The following TNPO3 variants were observed in gnomAD, a reference collection of about 807,000 sequenced individuals.
The protein encoded by TNPO3 is transportin-3.
TNPO3 carries 65 observed loss-of-function variants against 122.8 expected under a neutral mutation model. The observed-to-expected ratio is 0.53, with a 90% CI of 0.43 to 0.65. The LOEUF is 0.65. Among genes scored for constraint, TNPO3 ranks in the 30% least tolerant of loss-of-function variants. The pLI is 0.00. For synonymous variants in TNPO3, 372 were observed against 411.2 expected, an observed-to-expected ratio of 0.90 and a Z score of 1.15; for missense variants, 850 against 1,136.7, an observed-to-expected ratio of 0.75 and a Z score of 3.63.
chr7:129,001,430 A>G (rs1801938793), intron 5 of TNPO3, among the ~76,000 whole-genome samples, 196 bp from the exon 6 acceptor site: 2 of 152,230 alleles, frequency 1.3e-5, no homozygotes, highest in South Asian at 4.1e-4. Flanking sequence ...ACATTGTATT[A>G]GGTATTATAA....
At chr7:128,992,188 G>T in intron 9 of TNPO3, 98 bp from the exon 10 acceptor site, 1 of 625,684 alleles carries the variant, frequency 1.6e-6, no homozygotes, top group South Asian at 2.3e-5. Flanking sequence ...CCTGCTTCTT[G>T]TTTCTAAATC....
chr7:129,009,306 A>G (rs543519091), intron 4 of TNPO3, among the ~76,000 whole-genome samples: 1 of 152,380 alleles, frequency 6.6e-6, no homozygotes, highest in East Asian at 1.9e-4. Context: ...CCACAAAAGT[A>G]TAATACTAAC....
intron 4 of TNPO3, among the ~76,000 whole-genome samples, chr7:129,005,482 G>A (rs1317551772): frequency 2.0e-5 from 3 of 152,108 alleles, no homozygotes; most frequent in Non-Finnish European, 4.4e-5. Context: ...GTAATCCCCA[G>A]TGTTAGAGGA....
chr7:129,012,130 C>A (rs564352267), intron 4 of TNPO3, among the ~76,000 whole-genome samples: 1 of 151,386 alleles, frequency 6.6e-6, no homozygotes, highest in Non-Finnish European at 1.5e-5. Flanking sequence ...CTCAGCCTCC[C>A]GACTAGCTGG....
At chr7:129,012,316 T>C (rs535929156) in intron 4 of TNPO3, among the ~76,000 whole-genome samples, 2 of 152,316 alleles carry the variant, frequency 1.3e-5, no homozygotes, top group African/African-American at 4.8e-5. Context: ...CTCCAATGAA[T>C]TTCTAATACA....
At chr7:129,006,484 T>C (rs1343212453) in intron 4 of TNPO3, among the ~76,000 whole-genome samples, 1 of 152,164 alleles carries the variant, frequency 6.6e-6, no homozygotes, top group Non-Finnish European at 1.5e-5. Context: ...TAAAACTCAA[T>C]GTTTCTCCTT....
At chr7:128,969,739 T>C (rs1259512866) in intron 20 of TNPO3, among the ~76,000 whole-genome samples, 1 of 152,238 alleles carries the variant, frequency 6.6e-6, no homozygotes, top group African/African-American at 2.4e-5. Context: ...TGCTTCCAAA[T>C]GTTCTGGCTA....
intron 1 of TNPO3, among the ~76,000 whole-genome samples, chr7:129,026,355 CAGG>C (rs1805166308): frequency 1.3e-5 from 2 of 149,528 alleles, no homozygotes; most frequent in South Asian, 4.2e-4. Flanking sequence ...TAGGGATGCA[CAGG>C]AGATTTATTT....
At chr7:129,000,405 G>A in intron 7 of TNPO3, 24 bp downstream of exon 7, 1 of 1,567,574 alleles carries the variant, frequency 6.4e-7, no homozygotes, top group Non-Finnish European at 8.7e-7. Flanking sequence ...GAGAATAATG[G>A]CCTTTGAATA....
At chr7:128,997,021 C>CTT (rs549468017) in intron 8 of TNPO3, among the ~76,000 whole-genome samples, 1 of 148,270 alleles carries the variant, frequency 6.7e-6, no homozygotes, top group South Asian at 2.1e-4. Flanking sequence ...GAGTGTTTTG[C>CTT]TTTTTTTTTT....
At chr7:129,054,615 C>T (rs373075111) in intron 1 of TNPO3, 36 bp downstream of exon 1, 30 of 1,610,616 alleles carry the variant, frequency 1.9e-5, no homozygotes, top group Middle Eastern at 1.8e-4. Flanking sequence ...CCCGCCCCGG[C>T]CGTGCGGCAC....
intron 4 of TNPO3, among the ~76,000 whole-genome samples, chr7:129,007,672 T>C (rs554723035): frequency 6.6e-6 from 1 of 152,378 alleles, no homozygotes; most frequent in Non-Finnish European, 1.5e-5. Flanking sequence ...TTTTCATTTA[T>C]TGTGCATATT....
chr7:128,995,913 G>A (rs927207356), intron 8 of TNPO3, among the ~76,000 whole-genome samples: 17 of 152,104 alleles, frequency 1.1e-4, no homozygotes, highest in African/African-American at 3.1e-4. Context: ...TGGCCAGGCC[G>A]GTCTCAAATT....
chr7:129,000,467 C>G lies in TNPO3; in HGVS notation c.973G>C (p.Glu325Gln). The G allele has an allele frequency of 6.2e-7, 1 of 1,614,074 alleles. No homozygotes were observed. Among genetic ancestry groups the G allele is most frequent in the Non-Finnish European group, 8.5e-7 (1 of 1,179,990 alleles). Residue 325 changes from glutamate to glutamine, a missense_variant, in exon 7 of 23, where the codon GAG (glutamate) becomes CAG (glutamine). Glu to Gln is a conservative substitution (Grantham distance 29, BLOSUM62 2). Transcript: ENST00000265388. Reference protein sequence around the residue: ...GQGLGDLRTLELLLICAGHPQ... With the variant: ...GQGLGDLRTLQLLLICAGHPQ... Reference sequence around the variant, plus strand: ...TGGCCTGCACAGATAAGCAGCAGCTCCAGAGTTCGAAGGTCCCCAAGACCT... The same window carrying G: ...TGGCCTGCACAGATAAGCAGCAGCTGCAGAGTTCGAAGGTCCCCAAGACCT...
intron 15 of TNPO3, among the ~76,000 whole-genome samples, chr7:128,979,740 C>T (rs987592130): frequency 6.6e-6 from 1 of 152,212 alleles, no homozygotes; most frequent in African/African-American, 2.4e-5. Flanking sequence ...CAGTGAATCT[C>T]TTTCTACCAC....
In TNPO3 at chr7:128,967,130, G is replaced by A. The variant is rs184904691; in HGVS notation, c.2711+150C>T. On this transcript the variant is annotated intron_variant, in intron 21 of 22. Coordinates refer to ENST00000265388, the MANE Select transcript of TNPO3 (RefSeq NM_012470.4). ...TACATACATACACAGCATGGTGAAT[G>A]TTTTCCCACCAGATTGGCTTCCAAT... The A allele has an allele frequency of 1.4e-4, 83 of 602,860 alleles. No individual in the cohort carries two copies. In the Admixed American group the frequency reaches 1.6e-3, roughly 12 times the overall value. 37.3% of individuals were successfully genotyped at this position (602,860 alleles called of 1,614,324 possible). A position where few individuals can be genotyped will look rare whatever the true frequency, so the allele number is the denominator to read the frequency against.
At chr7:128,959,749 C>T (rs899913546) in intron 21 of TNPO3, among the ~76,000 whole-genome samples, 2 of 152,096 alleles carry the variant, frequency 1.3e-5, no homozygotes, top group Non-Finnish European at 2.9e-5. Context: ...AGGCCGGGCG[C>T]GGTGGCTCAC....
At chr7:128,988,477 T>C (rs1800405373) in intron 11 of TNPO3, among the ~76,000 whole-genome samples, 1 of 152,180 alleles carries the variant, frequency 6.6e-6, no homozygotes, top group Admixed American at 6.6e-5. Context: ...TGTAGACTTC[T>C]GTGATTCCCA....
At chr7:129,012,252 C>T (rs113045281) in intron 4 of TNPO3, among the ~76,000 whole-genome samples, 8,847 of 151,760 alleles carry the variant, frequency 0.058, 361 homozygotes, top group South Asian at 0.098. Context: ...GTAATCCACC[C>T]GCCTCAGCCT....
Sources: gnomAD v4.1 joint callset for allele counts (sites outside exome capture counted in the v4.1 genomes callset) on GRCh38, gnomAD v4.1.1 for gene constraint, MANE v1.5 for transcripts, NCBI Gene and HGNC (gene_info 2026-07-23, HGNC 2026-07-21) for gene names.